Variants in BABAM2 observed in about 807,000 individuals in gnomAD.
BABAM2 encodes the protein BRISC and BRCA1-A complex member 2.
BABAM2 carries 31 observed loss-of-function variants against 54.7 expected under a neutral mutation model. The observed-to-expected ratio is 0.57, with a 90% CI of 0.43 to 0.77. The LOEUF is 0.77. Ranked by LOEUF, BABAM2 falls within the 30% of genes least tolerant of loss-of-function variation. The pLI is 0.00. For missense variants in BABAM2, 364 were observed against 455.8 expected, an observed-to-expected ratio of 0.80 and a Z score of 1.83; for synonymous variants, 167 against 162.9, an observed-to-expected ratio of 1.03 and a Z score of -0.19.
At chr2:28,130,939 C>T (rs981955637) in intron 7 of BABAM2, among the ~76,000 whole-genome samples, 13 of 152,152 alleles carry the variant, frequency 8.5e-5, no homozygotes, top group Non-Finnish European at 1.6e-4. Context: ...CAGAGTTTCA[C>T]CATGTTGGCC....
intron 6 of BABAM2, among the ~76,000 whole-genome samples, chr2:28,108,696 T>C (rs190507940): frequency 3.3e-5 from 5 of 152,374 alleles, no homozygotes; most frequent in Non-Finnish European, 7.3e-5. Context: ...ATTTCTATTC[T>C]TCATAACTCA....
intron 7 of BABAM2, among the ~76,000 whole-genome samples, chr2:28,229,231 G>T (rs1321031508): frequency 6.6e-6 from 1 of 152,192 alleles, no homozygotes; most frequent in East Asian, 1.9e-4. Flanking sequence ...GAGTGGGGTA[G>T]ATTTAAGTGA....
rs143423953 is a variant in BABAM2, at chr2:28,296,696, A to G, written c.935-1642A>G. On this transcript the variant is annotated intron_variant, in intron 10 of 11. Coordinates refer to ENST00000379624, the MANE Select transcript of BABAM2 (RefSeq NM_199191.3). Reference sequence around the variant, plus strand: ...ATCTAGCATGTATTTTTATTTATTTATTTATTTTTAAGACGGAGTCTCACT... The same window carrying G: ...ATCTAGCATGTATTTTTATTTATTTGTTTATTTTTAAGACGGAGTCTCACT... Among the ~76,000 whole-genome samples, 807 of 152,164 alleles carry G rather than the reference A, an allele frequency of 5.3e-3. 13 individuals carry two copies. The highest frequency in any genetic ancestry group is 0.049 in the South Asian group (234 of 4,812).
At chr2:28,320,058 A>G (rs1208377536) in intron 11 of BABAM2, among the ~76,000 whole-genome samples, 1 of 152,088 alleles carries the variant, frequency 6.6e-6, no homozygotes, top group African/African-American at 2.4e-5. Context: ...GTCAGATCCG[A>G]TTTCCACCAC....
chr2:27,966,260 CT>C (rs1370304776), intron 3 of BABAM2, among the ~76,000 whole-genome samples: 1 of 152,160 alleles, frequency 6.6e-6, no homozygotes, highest in Non-Finnish European at 1.5e-5. Context: ...AGAGTTTTTC[CT>C]GATCAACTAT....
In BABAM2 at chr2:28,242,151, G is replaced by T. The variant is rs144829740; in HGVS notation, c.851+758G>T. On this transcript the variant is annotated intron_variant, in intron 9 of 11. Coordinates refer to ENST00000379624, the MANE Select transcript of BABAM2 (RefSeq NM_199191.3). ...GCGCCCCTAGAAGAAGTGGAGCCAG[G>T]GCAGGAACCCCATTTCCCCAGCACT... Among the ~76,000 whole-genome samples, 24 of 152,224 alleles carry T rather than the reference G, an allele frequency of 1.6e-4. No homozygotes were observed. The East Asian group carries it at 4.3e-3, about 27-fold the overall frequency.
chr2:27,987,217 T>C (rs945448361), intron 3 of BABAM2, among the ~76,000 whole-genome samples: 4 of 152,178 alleles, frequency 2.6e-5, no homozygotes, highest in African/African-American at 9.6e-5. Context: ...AGCTAATAAA[T>C]AATGAGGAGA....
intron 10 of BABAM2, among the ~76,000 whole-genome samples, chr2:28,247,942 CTGTGGCCATGAT>C (rs1420466738): frequency 3.3e-5 from 5 of 152,170 alleles, no homozygotes; most frequent in African/African-American, 9.7e-5. Context: ...GGAGTGGGGA[CTGTGGCCATGAT>C]TGTGGCCATG....
At chr2:28,315,643 T>G (rs1054170316) in intron 11 of BABAM2, among the ~76,000 whole-genome samples, 33 of 149,748 alleles carry the variant, frequency 2.2e-4, no homozygotes, top group African/African-American at 7.2e-4. Context: ...GATTTTTTAT[T>G]TATTTATTTA....
chr2:27,997,749 AATATAAC>A (rs1358713397), intron 4 of BABAM2, among the ~76,000 whole-genome samples: 9 of 152,242 alleles, frequency 5.9e-5, no homozygotes, highest in African/African-American at 1.9e-4. Context: ...TCCAATGGCA[AATATAAC>A]ATTTAGCAGA....
intron 3 of BABAM2, among the ~76,000 whole-genome samples, chr2:27,936,726 C>T (rs1248438099): frequency 6.6e-6 from 1 of 151,832 alleles, no homozygotes; most frequent in African/African-American, 2.4e-5. Flanking sequence ...CATGTTCTCA[C>T]TCATAGGTGG....
chr2:28,200,456 AGAAGAAAAGACCAG>A (rs1678140405), intron 7 of BABAM2, among the ~76,000 whole-genome samples: 1 of 152,238 alleles, frequency 6.6e-6, no homozygotes, highest in African/African-American at 2.4e-5. Flanking sequence ...CATTTCAGAG[AGAAGAAAAGACCAG>A]GACCTATCCA....
At chr2:27,966,779 G>A (rs1369143260) in intron 3 of BABAM2, among the ~76,000 whole-genome samples, 1 of 152,240 alleles carries the variant, frequency 6.6e-6, no homozygotes, top group Admixed American at 6.5e-5. Context: ...GGTACATCAA[G>A]CAGCTTTAAT....
intron 4 of BABAM2, among the ~76,000 whole-genome samples, chr2:28,000,409 G>C (rs1673495932): frequency 6.6e-6 from 1 of 152,078 alleles, no homozygotes; most frequent in South Asian, 2.1e-4. Context: ...TGGGCTTTTG[G>C]TAGAAAGACT....
intron 10 of BABAM2, among the ~76,000 whole-genome samples, chr2:28,279,775 C>T (rs1396129621): frequency 6.7e-6 from 1 of 149,898 alleles, no homozygotes. Context: ...AAGCGATTCT[C>T]CTGCCTCAGC....
At chr2:27,936,464 C>G (rs1169252339) in intron 3 of BABAM2, among the ~76,000 whole-genome samples, 1 of 152,100 alleles carries the variant, frequency 6.6e-6, no homozygotes, top group Non-Finnish European at 1.5e-5. Flanking sequence ...ACCCAAAGGA[C>G]TATAAATCAT....
At chr2:27,956,152 C>T (rs188314473) in intron 3 of BABAM2, among the ~76,000 whole-genome samples, 75 of 152,154 alleles carry the variant, frequency 4.9e-4, no homozygotes, top group Non-Finnish European at 8.8e-4. Flanking sequence ...TTCATCTTTA[C>T]GAAAACCATA....
intron 7 of BABAM2, among the ~76,000 whole-genome samples, chr2:28,134,005 C>G (rs1382660141): frequency 6.6e-6 from 1 of 152,156 alleles, no homozygotes; most frequent in Non-Finnish European, 1.5e-5. Context: ...GTTTACCGGT[C>G]TCCCACTGCG....
At chr2:28,220,555 C>G (rs550587736) in intron 7 of BABAM2, among the ~76,000 whole-genome samples, 1 of 152,026 alleles carries the variant, frequency 6.6e-6, no homozygotes, top group East Asian at 1.9e-4. Context: ...CTATGTCTGT[C>G]TCTATCTCTG....
Sources: gnomAD v4.1 joint callset for allele counts (sites outside exome capture counted in the v4.1 genomes callset) on GRCh38, gnomAD v4.1.1 for gene constraint, MANE v1.5 for transcripts, NCBI Gene and HGNC (gene_info 2026-07-23, HGNC 2026-07-21) for gene names.